The following RIGI variants were observed in gnomAD, a reference collection of about 807,000 sequenced individuals.
RIGI encodes the protein antiviral innate immune response receptor RIG-I.
the RIGI span, among the ~76,000 whole-genome samples, chr9:32,493,600 G>A: frequency 6.6e-6 from 1 of 151,902 alleles, no homozygotes; most frequent in African/African-American, 2.4e-5. Flanking sequence ...TCCAGCCTGG[G>A]CGACAGAGCG....
chr9:32,476,311 C>T, the RIGI span, among the ~76,000 whole-genome samples: 1 of 152,076 alleles, frequency 6.6e-6, no homozygotes, highest in Admixed American at 6.6e-5. Context: ...GTCTAGGCAA[C>T]ATAACAAGAC....
chr9:32,459,564 G>A, the RIGI span: 5 of 1,561,076 alleles, frequency 3.2e-6, no homozygotes, highest in African/African-American at 6.9e-5. Flanking sequence ...AACATATATA[G>A]CAAGAAACAG....
At chr9:32,468,608 G>A in the RIGI span, among the ~76,000 whole-genome samples, 38 of 152,086 alleles carry the variant, frequency 2.5e-4, no homozygotes, top group Middle Eastern at 3.4e-3. Flanking sequence ...TGAGGCTGCA[G>A]TGAGCCATGA....
At chr9:32,485,407 AAGGTTCCAGGCTAACTGGC>A in the RIGI span, 2 of 693,248 alleles carry the variant, frequency 2.9e-6, no homozygotes, top group Non-Finnish European at 4.9e-6. Context: ...TGAAAAACCT[AAGGTTCCAGGCTAACTGGC>A]AGGTGGTCCA....
At chr9:32,457,708 A>G in the RIGI span, among the ~76,000 whole-genome samples, 1 of 152,190 alleles carries the variant, frequency 6.6e-6, no homozygotes, top group Non-Finnish European at 1.5e-5. Context: ...CTGAAGGTAG[A>G]TACTCATTAT....
the RIGI span, among the ~76,000 whole-genome samples, chr9:32,520,834 GTGGTGGCTCAGGCCGGGGC>G: frequency 1.5e-4 from 5 of 32,998 alleles, no homozygotes; most frequent in Non-Finnish European, 3.1e-4. Context: ...CAGGCTGGGC[GTGGTGGCTCAGGCCGGGGC>G]TGGTGACTCA....
the RIGI span, among the ~76,000 whole-genome samples, chr9:32,520,167 T>A: frequency 6.6e-6 from 1 of 152,182 alleles, no homozygotes; most frequent in Non-Finnish European, 1.5e-5. Context: ...TATCTTACTT[T>A]GGTAAGTTTG....
the RIGI span, among the ~76,000 whole-genome samples, chr9:32,514,496 G>C: frequency 2.0e-5 from 3 of 152,244 alleles, no homozygotes; most frequent in African/African-American, 7.2e-5. Context: ...AACACCGTAT[G>C]TTCTCACTCA....
chr9:32,459,451 G>A, the RIGI span: 1 of 1,613,642 alleles, frequency 6.2e-7, no homozygotes, highest in Non-Finnish European at 8.5e-7. Flanking sequence ...TCCTTATCAG[G>A]TACAGGTTTT....
the RIGI span, among the ~76,000 whole-genome samples, chr9:32,489,984 G>A: frequency 2.0e-5 from 3 of 152,210 alleles, no homozygotes; most frequent in African/African-American, 7.2e-5. Context: ...ATCATTAAGA[G>A]CTAGCAAAGA....
At chr9:32,481,342 G>A in the RIGI span, 26 of 1,609,212 alleles carry the variant, frequency 1.6e-5, no homozygotes, top group African/African-American at 4.0e-5. Context: ...GAACGTACCC[G>A]CAAATGTGAA....
At chr9:32,515,954 C>T in the RIGI span, among the ~76,000 whole-genome samples, 3 of 152,158 alleles carry the variant, frequency 2.0e-5, no homozygotes, top group Admixed American at 6.5e-5. Context: ...CACAGGATTC[C>T]GTCCCAGGCT....
At chr9:32,499,815 C>T in the RIGI span, among the ~76,000 whole-genome samples, 1 of 152,076 alleles carries the variant, frequency 6.6e-6, no homozygotes, top group South Asian at 2.1e-4. Context: ...AGTGCAGCAG[C>T]GCCATCATAG....
At chr9:32,471,884 A>G in the RIGI span, among the ~76,000 whole-genome samples, 1 of 152,154 alleles carries the variant, frequency 6.6e-6, no homozygotes, top group African/African-American at 2.4e-5. Flanking sequence ...TCTACTTTTC[A>G]TATTTATGAA....
At chr9:32,501,067 A>T in the RIGI span, 1 of 1,200,594 alleles carries the variant, frequency 8.3e-7, no homozygotes, top group South Asian at 1.5e-5. Flanking sequence ...GCATTGGAAG[A>T]ATCTTTGGAG....
chr9:32,473,605 AG>A, the RIGI span, among the ~76,000 whole-genome samples: 1 of 152,202 alleles, frequency 6.6e-6, no homozygotes, highest in Admixed American at 6.5e-5. Context: ...CATTTTTAAA[AG>A]AAAAAACAAA....
the RIGI span, among the ~76,000 whole-genome samples, chr9:32,502,184 T>C: frequency 6.6e-6 from 1 of 152,256 alleles, no homozygotes; most frequent in Non-Finnish European, 1.5e-5. Flanking sequence ...TGTAGCACGT[T>C]ATTATTCATT....
chr9:32,459,536 C>T, the RIGI span: 3 of 1,598,676 alleles, frequency 1.9e-6, no homozygotes, highest in East Asian at 2.2e-5. Flanking sequence ...AGAAAGACCG[C>T]AAATGTAATT....
At chr9:32,467,799 C>T in the RIGI span, 1 of 1,605,144 alleles carries the variant, frequency 6.2e-7, no homozygotes, top group African/African-American at 1.3e-5. Context: ...TGCCCACATA[C>T]TCATAAAGGA....
Sources: allele counts gnomAD v4.1 joint callset (sites outside exome capture counted in the v4.1 genomes callset), GRCh38; gene constraint gnomAD v4.1.1; transcripts MANE v1.5; gene names NCBI Gene and HGNC (gene_info 2026-07-23, HGNC 2026-07-21).